The following CPQ variants were observed in gnomAD, a reference collection of about 807,000 sequenced individuals.
CPQ encodes Ser-Met dipeptidase.
A neutral mutation model predicts 45.7 loss-of-function variants in CPQ; 37 were observed. That is an observed-to-expected ratio of 0.81 (90% CI 0.62 to 1.07). CPQ has a LOEUF of 1.07. Among genes scored for constraint, CPQ ranks in the 50% least tolerant of loss-of-function variants. The pLI is 0.00. For synonymous variants in CPQ, 186 were observed against 205.8 expected (o/e 0.90, Z 0.82); for missense variants, 537 against 572.9 (o/e 0.94, Z 0.64).
chr8:96,938,040 A>G (rs1285940692), intron 4 of CPQ, among the ~76,000 whole-genome samples: 4 of 152,230 alleles, frequency 2.6e-5, no homozygotes, highest in African/African-American at 9.6e-5. Context: ...CCTCTTAGAA[A>G]TAAGTTAGTT....
intron 6 of CPQ, among the ~76,000 whole-genome samples, chr8:97,037,302 T>C (rs1457270708): frequency 6.6e-6 from 1 of 152,246 alleles, no homozygotes; most frequent in Non-Finnish European, 1.5e-5. Flanking sequence ...TATATGATGC[T>C]AATTTAGATA....
At chr8:96,929,781 C>G (rs1812946739) in intron 4 of CPQ, among the ~76,000 whole-genome samples, 2 of 152,150 alleles carry the variant, frequency 1.3e-5, no homozygotes, top group Admixed American at 1.3e-4. Context: ...ATGTATGCTT[C>G]CAACTGAAAG....
intron 3 of CPQ, among the ~76,000 whole-genome samples, chr8:96,850,764 C>T (rs1376259073): frequency 3.3e-5 from 5 of 151,788 alleles, no homozygotes; most frequent in African/African-American, 1.2e-4. Flanking sequence ...CATGTGCCAC[C>T]ACACCTGGCT....
intron 2 of CPQ, among the ~76,000 whole-genome samples, chr8:96,794,699 G>T (rs1472446527): frequency 6.6e-6 from 1 of 152,034 alleles, no homozygotes; most frequent in African/African-American, 2.4e-5. Context: ...AAAACTGAAT[G>T]CCTTTAACAG....
chr8:96,958,123 G>A (rs747679114), intron 4 of CPQ, among the ~76,000 whole-genome samples: 2 of 151,868 alleles, frequency 1.3e-5, no homozygotes, highest in African/African-American at 4.8e-5. Context: ...TTACATGTGT[G>A]AGCCACCATG....
intron 5 of CPQ, among the ~76,000 whole-genome samples, chr8:96,978,731 G>A (rs1813831632): frequency 6.6e-6 from 1 of 152,098 alleles, no homozygotes; most frequent in South Asian, 2.1e-4. Flanking sequence ...GGAGAATAAG[G>A]GCCATAGAAA....
chr8:96,835,041 G>A lies in CPQ; in HGVS notation c.502G>A (p.Gly168Arg), dbSNP rs1811509239. The change falls in exon 3 of 8, where the codon GGG becomes AGG. Residue 168 changes from glycine to arginine, a missense_variant. Gly to Arg is a moderately radical substitution (Grantham distance 125, BLOSUM62 -2). Transcript: ENST00000220763. ...GCAGAGAAGGGCCTCAGAAGCAAGA[G>A]GGAAGATTGTTGTTTATAACCAACC... ...ELQRRASEAR[G>R]KIVVYNQPYI... 1 of 1,613,678 alleles carries A rather than the reference G, an allele frequency of 6.2e-7. No homozygotes were observed. The highest frequency in any genetic ancestry group is 1.3e-5 in the African/African-American group (1 of 74,894).
chr8:97,021,531 G>T (rs569362193), intron 5 of CPQ, among the ~76,000 whole-genome samples: 2 of 152,116 alleles, frequency 1.3e-5, no homozygotes, highest in African/African-American at 4.8e-5. Flanking sequence ...CAAAATTAAC[G>T]TACAGAAATC....
intron 1 of CPQ, among the ~76,000 whole-genome samples, chr8:96,779,273 A>G (rs1810656104): frequency 6.6e-6 from 1 of 151,954 alleles, no homozygotes; most frequent in Non-Finnish European, 1.5e-5. Flanking sequence ...TGTCTTCTCT[A>G]GAGCTTTTCA....
chr8:96,768,428 G>A (rs781530035), intron 1 of CPQ, among the ~76,000 whole-genome samples: 10 of 152,206 alleles, frequency 6.6e-5, no homozygotes, highest in Non-Finnish European at 1.3e-4. Flanking sequence ...CTCTGTGTTC[G>A]TATTGCAGGG....
chr8:96,962,579 T>G (rs1204226901), intron 4 of CPQ, among the ~76,000 whole-genome samples: 1 of 152,256 alleles, frequency 6.6e-6, no homozygotes, highest in Non-Finnish European at 1.5e-5. Context: ...TTTGTTTGTC[T>G]AACTCAGATC....
chr8:96,727,578 T>G (rs1809859344), intron 1 of CPQ, among the ~76,000 whole-genome samples: 1 of 152,248 alleles, frequency 6.6e-6, no homozygotes, highest in South Asian at 2.1e-4. Context: ...TTAAAATCCC[T>G]AGCTTGCACC....
At chr8:96,657,019 C>CTT (rs201700797) in intron 1 of CPQ, among the ~76,000 whole-genome samples, 135 of 144,032 alleles carry the variant, frequency 9.4e-4, no homozygotes, top group Middle Eastern at 3.6e-3. Flanking sequence ...CTCTGGTTAC[C>CTT]TTTTTTTTTT....
chr8:96,959,037 G>T (rs1191028887), intron 4 of CPQ, among the ~76,000 whole-genome samples: 1 of 152,084 alleles, frequency 6.6e-6, no homozygotes, highest in Non-Finnish European at 1.5e-5. Flanking sequence ...CACCTAGTCA[G>T]AATCATTGGG....
Position 96,926,625 on chromosome 8 carries a change from C to CCTT in CPQ, c.850-39308_850-39307insTCT, listed in dbSNP as rs1554578121. Among the ~76,000 whole-genome samples the CCTT allele has an allele frequency of 2.6e-3, 150 of 58,434 alleles. 3 individuals carry two copies. The highest frequency in any genetic ancestry group is 8.5e-3 in the African/African-American group (135 of 15,878). 38.3% of individuals were successfully genotyped at this position (58,434 alleles called of 152,430 possible). A position where few individuals can be genotyped will look rare whatever the true frequency, so the allele number is the denominator to read the frequency against. Reference sequence around the variant, plus strand: ...TTCTTCTTCTTCTTCTTCTTCTTCTCCTCCTTCTCCTTCTTCTTCTTCTCC... The same window carrying CCTT: ...TTCTTCTTCTTCTTCTTCTTCTTCTCCTTCTCCTTCTCCTTCTTCTTCTTCTCC... On this transcript the variant is annotated intron_variant, in intron 4 of 7. Coordinates refer to ENST00000220763, the MANE Select transcript of CPQ (RefSeq NM_016134.4).
chr8:96,961,839 A>G (rs1225713774), intron 4 of CPQ, among the ~76,000 whole-genome samples: 1 of 152,204 alleles, frequency 6.6e-6, no homozygotes, highest in Non-Finnish European at 1.5e-5. Flanking sequence ...ATCTTGCATT[A>G]GCTCATTTTC....
chr8:97,036,417 A>T (rs1320556737), intron 6 of CPQ, among the ~76,000 whole-genome samples: 1 of 152,246 alleles, frequency 6.6e-6, no homozygotes, highest in Non-Finnish European at 1.5e-5. Context: ...ACTTAAAAGG[A>T]AACTTTACCA....
At chr8:97,045,071 C>A (rs1265973279) in intron 6 of CPQ, among the ~76,000 whole-genome samples, 3 of 152,232 alleles carry the variant, frequency 2.0e-5, no homozygotes, top group Admixed American at 1.3e-4. Context: ...TTTTGTTTGT[C>A]TGTGCCCTGC....
At chr8:97,094,468 G>A (rs994211953) in intron 7 of CPQ, among the ~76,000 whole-genome samples, 4 of 152,002 alleles carry the variant, frequency 2.6e-5, no homozygotes, top group African/African-American at 9.7e-5. Flanking sequence ...GACAGCCCAG[G>A]GCTGCTTGAG....
Sources: gnomAD v4.1 joint callset for allele counts (sites outside exome capture counted in the v4.1 genomes callset) on GRCh38, gnomAD v4.1.1 for gene constraint, MANE v1.5 for transcripts, NCBI Gene and HGNC (gene_info 2026-07-23, HGNC 2026-07-21) for gene names.